Variants in SH3GL2 observed in about 807,000 individuals in gnomAD.
SH3GL2 encodes the protein endophilin-A1.
A neutral mutation model predicts 46.0 loss-of-function variants in SH3GL2; 24 were observed. The observed-to-expected ratio is 0.52, with a 90% CI of 0.38 to 0.73. SH3GL2 has a LOEUF of 0.73. SH3GL2 is among the 30% of genes least tolerant of loss of function. The pLI is 0.00. For missense variants in SH3GL2, 413 were observed against 424.2 expected, an observed-to-expected ratio of 0.97 and a Z score of 0.23; for synonymous variants, 196 against 147.1, an observed-to-expected ratio of 1.33 and a Z score of -2.40.
At chr9:17,780,455 T>C (rs1303461285) in intron 3 of SH3GL2, among the ~76,000 whole-genome samples, 1 of 150,860 alleles carries the variant, frequency 6.6e-6, no homozygotes, top group Non-Finnish European at 1.5e-5. Flanking sequence ...TTTCTAGATA[T>C]TTTGAATAGC....
In SH3GL2 at chr9:17,622,991, C is replaced by CTTTCG. The variant is rs1563786436; in HGVS notation, c.45+43708_45+43709insGTTTC. Among the ~76,000 whole-genome samples, 138 of 69,182 alleles carry CTTTCG rather than the reference C, an allele frequency of 2.0e-3. 1 individual carries two copies. The highest frequency in any genetic ancestry group is 2.9e-3 in the Non-Finnish European group (91 of 31,638). The allele number at this position is 69,182 out of a possible 152,430, so 45.4% of individuals were successfully genotyped here. A position where few individuals can be genotyped will look rare whatever the true frequency, so the allele number is the denominator to read the frequency against. ...TTTTCCTTTCGTTTCCTTTCGTTTC[C>CTTTCG]TTTCCTTTCCTTTCCTTTCCTTTCC... On this transcript the variant is annotated intron_variant, in intron 1 of 8. Transcript: ENST00000380607.
At chr9:17,735,783 T>A in intron 1 of SH3GL2, 1 of 970,934 alleles carries the variant, frequency 1.0e-6, no homozygotes, top group Non-Finnish European at 1.2e-6. Flanking sequence ...ATGGAAAGCA[T>A]AATAGGAAAG....
Position 17,711,375 on chromosome 9 carries a change from A to G in SH3GL2, c.46-35691A>G, listed in dbSNP as rs560942396. Among the ~76,000 whole-genome samples the G allele has an allele frequency of 1.4e-3, 212 of 151,970 alleles. 2 individuals carry two copies. The South Asian group carries it at 0.024, about 17-fold the overall frequency. On this transcript the variant is annotated intron_variant, in intron 1 of 8. Transcript: ENST00000380607. ...AGCATATAGCATGATAAGTTTTGACATATATATACATCTGTGAATTGATCA... is the reference window on the plus strand; with the variant it reads ...AGCATATAGCATGATAAGTTTTGACGTATATATACATCTGTGAATTGATCA...
At chr9:17,720,624 C>A (rs2118340300) in intron 1 of SH3GL2, among the ~76,000 whole-genome samples, 2 of 152,108 alleles carry the variant, frequency 1.3e-5, no homozygotes, top group Middle Eastern at 6.8e-3. Context: ...AGTTCACTAC[C>A]TGCTAAGAAA....
At chr9:17,605,994 A>G (rs1166787351) in intron 1 of SH3GL2, among the ~76,000 whole-genome samples, 1 of 152,122 alleles carries the variant, frequency 6.6e-6, no homozygotes, top group Non-Finnish European at 1.5e-5. Flanking sequence ...GCTTGAGCAC[A>G]TGATCCCTTT....
At chr9:17,649,963 A>G (rs892908600) in intron 1 of SH3GL2, among the ~76,000 whole-genome samples, 1 of 152,190 alleles carries the variant, frequency 6.6e-6, no homozygotes, top group East Asian at 1.9e-4. Flanking sequence ...GAATGGCTCA[A>G]CTTTAAATTG....
chr9:17,655,836 T>G (rs1820061998), intron 1 of SH3GL2, among the ~76,000 whole-genome samples: 1 of 152,190 alleles, frequency 6.6e-6, no homozygotes, highest in South Asian at 2.1e-4. Context: ...ATGCTTGCCT[T>G]CATCTGGAAC....
At chr9:17,737,461 C>A (rs1822373791) in intron 1 of SH3GL2, among the ~76,000 whole-genome samples, 1 of 152,002 alleles carries the variant, frequency 6.6e-6, no homozygotes, top group Admixed American at 6.6e-5. Flanking sequence ...TTGGATCATG[C>A]TTATTTTGTC....
chr9:17,703,582 G>T (rs535850966), intron 1 of SH3GL2, among the ~76,000 whole-genome samples: 2 of 152,026 alleles, frequency 1.3e-5, no homozygotes, highest in Non-Finnish European at 2.9e-5. Context: ...AAATCCAGTA[G>T]CACATCAAAA....
intron 1 of SH3GL2, among the ~76,000 whole-genome samples, chr9:17,678,367 G>C (rs142716593): frequency 0.1 from 15,307 of 152,072 alleles, 985 homozygotes; most frequent in Admixed American, 0.18. Flanking sequence ...GTTTTGATTT[G>C]CATTTCTCTG....
chr9:17,790,563 C>G (rs1824098789), intron 6 of SH3GL2, among the ~76,000 whole-genome samples: 1 of 152,134 alleles, frequency 6.6e-6, no homozygotes, highest in African/African-American at 2.4e-5. Context: ...GTGCTCCTTC[C>G]CTGCAACACA....
At chr9:17,614,295 G>GGAAAAAAAAAAAAAAAAAAAAAAAAAAAA (rs762920242) in intron 1 of SH3GL2, among the ~76,000 whole-genome samples, 7 of 70,302 alleles carry the variant, frequency 1.0e-4, no homozygotes, top group African/African-American at 4.0e-4. Context: ...CATGGTTTCT[G>GGAAAAAAAAAAAAAAAAAAAAAAAAAAAA]AAAAAAAAAA....
At chr9:17,670,961 G>T (rs977170765) in intron 1 of SH3GL2, among the ~76,000 whole-genome samples, 1 of 152,168 alleles carries the variant, frequency 6.6e-6, no homozygotes, top group Non-Finnish European at 1.5e-5. Context: ...GAAGCACCAG[G>T]TGATGCTGAG....
chr9:17,618,793 TTGTGTG>T (rs149930816), intron 1 of SH3GL2, among the ~76,000 whole-genome samples: 1,558 of 149,582 alleles, frequency 0.01, 16 homozygotes, highest in African/African-American at 0.036. Context: ...TTGGCTTATT[TTGTGTG>T]TGTGTGTGTG....
chr9:17,788,317 AT>A (rs1563854822), intron 5 of SH3GL2, among the ~76,000 whole-genome samples: 1 of 152,104 alleles, frequency 6.6e-6, no homozygotes, highest in Non-Finnish European at 1.5e-5. Flanking sequence ...TATAGCTCAA[AT>A]GTTTAAAAAA....
chr9:17,681,603 G>A (rs1416942268), intron 1 of SH3GL2, among the ~76,000 whole-genome samples: 2 of 151,224 alleles, frequency 1.3e-5, no homozygotes, highest in African/African-American at 4.9e-5. Context: ...GAAAAACCTA[G>A]AAGAAAACCT....
chr9:17,733,269 A>AT (rs1279267226), intron 1 of SH3GL2, among the ~76,000 whole-genome samples: 3 of 151,516 alleles, frequency 2.0e-5, no homozygotes, highest in African/African-American at 2.4e-5. Context: ...AATTTTTTTT[A>AT]TTTTTTTCAT....
chr9:17,786,398 A>G lies in SH3GL2; in HGVS notation c.205A>G (p.Ser69Gly), dbSNP rs574179015. The change falls in exon 4 of 9, where the codon AGC becomes GGC. Residue 69 changes from serine (S) to glycine (G), a missense_variant. Coordinates refer to ENST00000380607, the MANE Select transcript of SH3GL2 (RefSeq NM_003026.5). ...ACCTTCAGCTTCCAGAGCTAAGCTC[A>G]GCATGATCAACACCATGTCAAAAAT... ...QPNPASRAKL[S>G]MINTMSKIRG... The G allele has an allele frequency of 6.2e-7, 1 of 1,612,464 alleles. No individual in the cohort carries two copies. Among genetic ancestry groups the G allele is most frequent in the South Asian group, 1.1e-5 (1 of 90,938 alleles).
intron 1 of SH3GL2, among the ~76,000 whole-genome samples, chr9:17,737,194 G>T (rs1021245253): frequency 3.3e-5 from 5 of 151,820 alleles, no homozygotes; most frequent in African/African-American, 1.2e-4. Context: ...ACACACTGGC[G>T]CCTGTCAGGG....
Sources: allele counts gnomAD v4.1 joint callset (sites outside exome capture counted in the v4.1 genomes callset), GRCh38; gene constraint gnomAD v4.1.1; transcripts MANE v1.5; gene names NCBI Gene and HGNC (gene_info 2026-07-23, HGNC 2026-07-21).